The following GLP2R variants were observed in gnomAD, a reference collection of about 807,000 sequenced individuals.
The protein encoded by GLP2R is glucagon-like peptide 2 receptor.
Under a neutral mutation model 68.2 loss-of-function variants are expected in GLP2R, and 59 were observed. That is an observed-to-expected ratio of 0.87 (90% confidence interval 0.70 to 1.07). The LOEUF (loss-of-function observed/expected upper bound fraction) is 1.07. GLP2R is among the 50% of genes least tolerant of loss of function. The pLI is 0.00. For missense variants in GLP2R, 548 were observed against 677.4 expected (o/e 0.81, Z 2.12); for synonymous variants, 270 against 265.4 (o/e 1.02, Z -0.17).
Position 9,857,224 on chromosome 17 carries a change from T to C in GLP2R, c.612-199T>C, listed in dbSNP as rs565574477. Reference sequence around the variant, plus strand: ...GTGAGCCACCGCGCCTGGCCGGTGATAACTATTATTACTCTCATTTTACAA... The same window carrying C: ...GTGAGCCACCGCGCCTGGCCGGTGACAACTATTATTACTCTCATTTTACAA... On this transcript the variant is annotated intron_variant, in intron 5 of 12. Transcript: ENST00000262441. Among the ~76,000 whole-genome samples the C allele has an allele frequency of 4.6e-5, 7 of 152,244 alleles. No homozygotes were observed. In the South Asian group the frequency reaches 6.2e-4, roughly 14 times the overall value.
intron 4 of GLP2R, among the ~76,000 whole-genome samples, chr17:9,852,049 TTTTTTTTTTTG>T (rs1248178500): frequency 8.9e-6 from 1 of 112,602 alleles, no homozygotes; most frequent in African/African-American, 4.9e-5. Context: ...ATAGCATTTG[TTTTTTTTTTTG>T]TTTTTTTTTT....
intron 1 of GLP2R, among the ~76,000 whole-genome samples, chr17:9,831,402 G>A (rs2066678401): frequency 6.6e-6 from 1 of 152,118 alleles, no homozygotes; most frequent in South Asian, 2.1e-4. Context: ...AGGAGCTTAT[G>A]GGATAGGGAG....
chr17:9,848,288 C>T (rs1488868269), intron 4 of GLP2R, among the ~76,000 whole-genome samples: 1 of 152,070 alleles, frequency 6.6e-6, no homozygotes, highest in African/African-American at 2.4e-5. Flanking sequence ...TTGAGAACAA[C>T]AACAAAGTCA....
intron 2 of GLP2R, 32 bp downstream of exon 2, chr17:9,833,926 G>A: frequency 1.5e-6 from 2 of 1,353,640 alleles, no homozygotes; most frequent in Non-Finnish European, 2.1e-6. Context: ...CCGTGGCTGT[G>A]TAACAAATTG....
At chr17:9,855,385 G>T (rs1466063064) in intron 5 of GLP2R, among the ~76,000 whole-genome samples, 1 of 152,210 alleles carries the variant, frequency 6.6e-6, no homozygotes, top group South Asian at 2.1e-4. Flanking sequence ...ACTCCTGACA[G>T]CTTTACCTCC....
chr17:9,848,711 T>C (rs1415964563), intron 4 of GLP2R, among the ~76,000 whole-genome samples: 1 of 152,140 alleles, frequency 6.6e-6, no homozygotes, highest in Non-Finnish European at 1.5e-5. Flanking sequence ...CATGTTTACC[T>C]GTGTTTCTAA....
At chr17:9,889,340 C>G in intron 12 of GLP2R, 30 bp from the exon 13 acceptor site, 1 of 1,496,692 alleles carries the variant, frequency 6.7e-7, no homozygotes, top group East Asian at 2.3e-5. Flanking sequence ...GACTCCAAGA[C>G]AGTAACCTCT....
intron 5 of GLP2R, among the ~76,000 whole-genome samples, chr17:9,856,012 A>T (rs2066931319): frequency 6.6e-6 from 1 of 152,182 alleles, no homozygotes; most frequent in South Asian, 2.1e-4. Context: ...CCTGGAAACC[A>T]GCTCCAGAGC....
intron 11 of GLP2R, among the ~76,000 whole-genome samples, chr17:9,882,770 T>A (rs76508502): frequency 0.06 from 9,145 of 152,134 alleles, 916 homozygotes; most frequent in African/African-American, 0.21. Context: ...CAAAATTTTT[T>A]AAATGAGCAG....
chr17:9,889,326 A>T (rs776565440), intron 12 of GLP2R, 44 bp from the exon 13 acceptor site: 1 of 1,357,182 alleles, frequency 7.4e-7, no homozygotes, highest in Non-Finnish European at 1.0e-6. Flanking sequence ...ACACATGGCT[A>T]AATGACTCCA....
chr17:9,882,170 G>C (rs2067203083), intron 11 of GLP2R, among the ~76,000 whole-genome samples: 1 of 152,206 alleles, frequency 6.6e-6, no homozygotes, highest in Admixed American at 6.5e-5. Context: ...CCACCAGTGA[G>C]GAAATTCTAG....
In GLP2R at chr17:9,886,339, C is replaced by T. The variant is rs144739346; in HGVS notation, c.1285-1593C>T. 3.3e-4 allele frequency among the ~76,000 whole-genome samples: 50 copies of T among 152,330 alleles called. 2 individuals are homozygous for T. The East Asian group carries it at 9.3e-3, about 28-fold the overall frequency. On this transcript the variant is annotated intron_variant, in intron 11 of 12. Transcript: ENST00000262441. ...TGTGTTCTGTGGGACCCACTCCCTT[C>T]ACACTTGCTTAATCTAGAATGAGAA...
intron 9 of GLP2R, among the ~76,000 whole-genome samples, chr17:9,863,688 T>C (rs1379497013): frequency 6.6e-6 from 1 of 152,212 alleles, no homozygotes; most frequent in Non-Finnish European, 1.5e-5. Flanking sequence ...GGCATCATTC[T>C]CTCTGTGCTG....
intron 3 of GLP2R, among the ~76,000 whole-genome samples, chr17:9,840,976 GC>G (rs1280529604): frequency 6.6e-6 from 1 of 151,566 alleles, no homozygotes; most frequent in East Asian, 1.9e-4. Flanking sequence ...TTCTCAGAAA[GC>G]CCTTGGAAGA....
At position 9,889,781 on chromosome 17, in the gene GLP2R, C is replaced by A; in HGVS notation, c.*76C>A. 2.3e-6 allele frequency: 2 copies of A among 876,844 alleles called. No individual in the cohort carries two copies. The highest frequency in any genetic ancestry group is 1.7e-5 in the South Asian group (1 of 57,458). The allele number at this position is 876,844 out of a possible 1,614,324, so 54.3% of individuals were successfully genotyped here. ...CAGGAAGAGGAAGCAAAGCAGGACA[C>A]ACGTTGCTGGGCACGGAATCATTCT... On this transcript the variant is annotated 3_prime_UTR_variant, in exon 13 of 13. Transcript: ENST00000262441.
chr17:9,857,650 G>A, intron 6 of GLP2R, 74 bp downstream of exon 6: 3 of 1,435,080 alleles, frequency 2.1e-6, no homozygotes, highest in Non-Finnish European at 2.9e-6. Flanking sequence ...AAGGCAGGCA[G>A]GTGGGACTAG....
intron 4 of GLP2R, among the ~76,000 whole-genome samples, chr17:9,847,325 A>G (rs2066848729): frequency 6.6e-6 from 1 of 151,804 alleles, no homozygotes; most frequent in South Asian, 2.1e-4. Flanking sequence ...GCTGGAATGC[A>G]GTGGCACGAT....
At chr17:9,828,147 T>C (rs1376403521) in intron 1 of GLP2R, among the ~76,000 whole-genome samples, 1 of 152,104 alleles carries the variant, frequency 6.6e-6, no homozygotes, top group Admixed American at 6.5e-5. Context: ...GACAGGCAGA[T>C]AACCCCTGCC....
intron 10 of GLP2R, among the ~76,000 whole-genome samples, chr17:9,877,417 T>G (rs1003915101): frequency 1.3e-5 from 2 of 152,184 alleles, no homozygotes; most frequent in African/African-American, 4.8e-5. Flanking sequence ...GCCCAAAACT[T>G]TATTAAAAAA....
Sources: allele counts gnomAD v4.1 joint callset (sites outside exome capture counted in the v4.1 genomes callset), GRCh38; gene constraint gnomAD v4.1.1; transcripts MANE v1.5; gene names NCBI Gene and HGNC (gene_info 2026-07-23, HGNC 2026-07-21).